The following CNTNAP2 variants were observed in gnomAD, a reference collection of about 807,000 sequenced individuals.
CNTNAP2 encodes the protein contactin associated protein 2.
CNTNAP2 carries 98 observed loss-of-function variants against 155.2 expected under a neutral mutation model. That is an observed-to-expected ratio of 0.63 (90% CI 0.54 to 0.75). The LOEUF (loss-of-function observed/expected upper bound fraction) is 0.75, where lower values mean the gene tolerates loss of function less well. Among genes scored for constraint, CNTNAP2 ranks in the 30% least tolerant of loss-of-function variants. The pLI is 0.00. For missense variants in CNTNAP2, 1,727 were observed against 1,688.1 expected, an observed-to-expected ratio of 1.02 and a Z score of -0.40; for synonymous variants, 651 against 631.2, an observed-to-expected ratio of 1.03 and a Z score of -0.47.
chr7:147,085,747 C>T (rs1192626104), intron 4 of CNTNAP2: 4 of 152,274 alleles, frequency 2.6e-5, no homozygotes, highest in South Asian at 4.1e-4. Flanking sequence ...CTTCATGTCT[C>T]ATCGTTTTAT....
At chr7:146,554,967 T>C (rs984514869) in intron 1 of CNTNAP2, among the ~76,000 whole-genome samples, 15 of 152,336 alleles carry the variant, frequency 9.8e-5, no homozygotes, top group African/African-American at 3.6e-4. Context: ...GTATTATTTG[T>C]CCCATTTTCC....
intron 11 of CNTNAP2, among the ~76,000 whole-genome samples, chr7:147,526,002 G>A (rs970011056): frequency 6.6e-6 from 1 of 151,958 alleles, no homozygotes; most frequent in African/African-American, 2.4e-5. Context: ...ACACCAGCCT[G>A]TCCAACATGG....
At chr7:146,551,723 G>A (rs190292008) in intron 1 of CNTNAP2, among the ~76,000 whole-genome samples, 65 of 152,198 alleles carry the variant, frequency 4.3e-4, no homozygotes, top group East Asian at 1.5e-3. Context: ...GATTTATACC[G>A]CAGGACCACA....
chr7:147,924,836 G>A (rs1291449577), intron 14 of CNTNAP2, among the ~76,000 whole-genome samples: 1 of 152,060 alleles, frequency 6.6e-6, no homozygotes, highest in Non-Finnish European at 1.5e-5. Flanking sequence ...AAGAGAATGT[G>A]GCAAGGTGTG....
chr7:146,216,661 C>A (rs1419687169), intron 1 of CNTNAP2, among the ~76,000 whole-genome samples: 1 of 152,150 alleles, frequency 6.6e-6, no homozygotes, highest in African/African-American at 2.4e-5. Context: ...CTTATTGATT[C>A]TCTAGAAAAT....
intron 1 of CNTNAP2, among the ~76,000 whole-genome samples, chr7:146,754,554 G>GTCTCTCTCTCTCTCTC (rs143802449): frequency 6.9e-6 from 1 of 144,870 alleles, no homozygotes; most frequent in Non-Finnish European, 1.5e-5. Flanking sequence ...CTCTCTCTCT[G>GTCTCTCTCTCTCTCTC]TCTCTCTCTC....
chr7:147,512,861 A>G (rs1419679223), intron 11 of CNTNAP2, among the ~76,000 whole-genome samples: 1 of 152,186 alleles, frequency 6.6e-6, no homozygotes. Context: ...TTTTAACATC[A>G]ATAGTTGTAT....
chr7:147,508,154 C>G (rs1315659125), intron 11 of CNTNAP2, among the ~76,000 whole-genome samples: 1 of 152,198 alleles, frequency 6.6e-6, no homozygotes, highest in African/African-American at 2.4e-5. Flanking sequence ...GTGACCAGCA[C>G]ATAGTAGAAA....
At chr7:147,061,659 C>T (rs941716853) in intron 4 of CNTNAP2, among the ~76,000 whole-genome samples, 1 of 152,338 alleles carries the variant, frequency 6.6e-6, no homozygotes, top group East Asian at 1.9e-4. Context: ...TGATTCTCTG[C>T]TGCTTTTCCT....
At chr7:147,539,914 T>A (rs950735408) in intron 11 of CNTNAP2, among the ~76,000 whole-genome samples, 2 of 152,218 alleles carry the variant, frequency 1.3e-5, no homozygotes, top group African/African-American at 4.8e-5. Context: ...CTGACTCTAC[T>A]GTTAACTCTC....
At chr7:148,356,436 G>A (rs2116608042) in intron 21 of CNTNAP2, among the ~76,000 whole-genome samples, 1 of 152,326 alleles carries the variant, frequency 6.6e-6, no homozygotes. Flanking sequence ...CACTGAGAGT[G>A]TCGTCGTCAA....
intron 13 of CNTNAP2, among the ~76,000 whole-genome samples, chr7:147,877,968 GT>G (rs1308300335): frequency 6.6e-6 from 1 of 152,192 alleles, no homozygotes; most frequent in Non-Finnish European, 1.5e-5. Context: ...TATAGGCAAA[GT>G]TTAGAAGAGT....
intron 15 of CNTNAP2, among the ~76,000 whole-genome samples, chr7:148,018,329 GTTTA>G (rs906763433): frequency 1.3e-5 from 2 of 152,112 alleles, no homozygotes; most frequent in Admixed American, 1.3e-4. Flanking sequence ...CTTAATTTCA[GTTTA>G]TTTATTTATA....
intron 20 of CNTNAP2, among the ~76,000 whole-genome samples, chr7:148,238,772 T>C (rs929796664): frequency 2.6e-5 from 4 of 152,190 alleles, no homozygotes; most frequent in African/African-American, 9.7e-5. Flanking sequence ...CATTTTAGGA[T>C]CCTTCTTTTC....
At chr7:147,183,242 G>A (rs937243666) in intron 8 of CNTNAP2, among the ~76,000 whole-genome samples, 2 of 151,932 alleles carry the variant, frequency 1.3e-5, no homozygotes, top group Non-Finnish European at 2.9e-5. Context: ...TGTCAAAATT[G>A]TATCTCAGAT....
intron 8 of CNTNAP2, among the ~76,000 whole-genome samples, chr7:147,219,468 G>A (rs1405600682): frequency 3.3e-5 from 5 of 152,194 alleles, no homozygotes; most frequent in Non-Finnish European, 7.3e-5. Context: ...CCGAGGGCAA[G>A]AAGCATCCAG....
chr7:146,508,534 T>C (rs1386364510), intron 1 of CNTNAP2, among the ~76,000 whole-genome samples: 2 of 152,158 alleles, frequency 1.3e-5, no homozygotes, highest in Non-Finnish European at 2.9e-5. Flanking sequence ...TCTGTGCCAA[T>C]GTCTACCAGC....
Position 146,741,890 on chromosome 7 carries a change from T to C in CNTNAP2, c.98-32381T>C, listed in dbSNP as rs115399838. On this transcript the variant is annotated intron_variant, in intron 1 of 23. Transcript: ENST00000361727. ...ATGGAGCTAGAGGATAATTAGGAAA[T>C]ATAAAAAATTGGAAGGAAAAAACCC... Among the ~76,000 whole-genome samples, 122 of 151,936 alleles carry C rather than the reference T, an allele frequency of 8.0e-4. 1 individual carries two copies. Among genetic ancestry groups the C allele is most frequent in the African/African-American group, 2.7e-3 (113 of 41,438 alleles).
At position 146,535,306 on chromosome 7, in the gene CNTNAP2, ATAT is replaced by A. The variant is rs1223053482; in HGVS notation, c.98-238961_98-238959del. On this transcript the variant is annotated intron_variant, in intron 1 of 23. Coordinates refer to ENST00000361727, the MANE Select transcript of CNTNAP2 (RefSeq NM_014141.6). ...TATTATATAATGTATATTATATATGATATTATATCATATATATTATATATTATA... is the reference window on the plus strand; with the variant it reads ...TATTATATAATGTATATTATATATGATATATCATATATATTATATATTATA... 2.7e-4 allele frequency among the ~76,000 whole-genome samples: 17 copies of A among 62,484 alleles called. 5 individuals are homozygous for A. The highest frequency in any genetic ancestry group is 5.3e-4 in the African/African-American group (4 of 7,540). 41.0% of individuals were successfully genotyped at this position (62,484 alleles called of 152,430 possible).
Sources: gnomAD v4.1 joint callset for allele counts (sites outside exome capture counted in the v4.1 genomes callset) on GRCh38, gnomAD v4.1.1 for gene constraint, MANE v1.5 for transcripts, NCBI Gene and HGNC (gene_info 2026-07-23, HGNC 2026-07-21) for gene names.